The following CADM1 variants were observed in gnomAD, a reference collection of about 807,000 sequenced individuals.
CADM1 encodes TSLC-1.
In CADM1, 15 loss-of-function variants were observed where a neutral mutation model predicts 53.1. The observed-to-expected ratio is 0.28, with a 90% confidence interval of 0.19 to 0.44. The LOEUF is 0.44. CADM1 is among the 20% of genes least tolerant of loss of function. CADM1 has a pLI of 1.00. For synonymous variants in CADM1, 281 were observed against 243.0 expected (o/e 1.16, Z -1.45); for missense variants, 434 against 611.3 (o/e 0.71, Z 3.06).
At chr11:115,332,137 T>C (rs1945147456) in intron 1 of CADM1, among the ~76,000 whole-genome samples, 1 of 152,044 alleles carries the variant, frequency 6.6e-6, no homozygotes, top group Admixed American at 6.6e-5. Context: ...ATCTGAATAG[T>C]TGTGGGCTGA....
chr11:115,334,249 A>G (rs138133444), intron 1 of CADM1, among the ~76,000 whole-genome samples: 1 of 152,286 alleles, frequency 6.6e-6, no homozygotes, highest in East Asian at 1.9e-4. Context: ...TCTTCACCAG[A>G]GTGTGGACCT....
At chr11:115,484,878 C>G (rs1346080392) in intron 1 of CADM1, among the ~76,000 whole-genome samples, 1 of 149,730 alleles carries the variant, frequency 6.7e-6, no homozygotes, top group African/African-American at 2.5e-5. Flanking sequence ...AACCGGGAGG[C>G]AGAGCTTGCA....
intron 1 of CADM1, among the ~76,000 whole-genome samples, chr11:115,408,386 C>T (rs1027459026): frequency 6.6e-6 from 1 of 152,158 alleles, no homozygotes; most frequent in Non-Finnish European, 1.5e-5. Flanking sequence ...AGTTTAAATC[C>T]CTGCACAGTT....
At position 115,170,531 on chromosome 11, in the gene CADM1, CAG is replaced by C. The variant is rs1938754186; in HGVS notation, c.*5941_*5942del. The C allele has an allele frequency of 7.5e-6, 1 of 132,950 alleles. No individual in the cohort carries two copies. The highest frequency in any genetic ancestry group is 2.3e-4 in the South Asian group (1 of 4,386). The allele number at this position is 132,950 out of a possible 1,614,324, so 8.2% of individuals were successfully genotyped here. A position where few individuals can be genotyped will look rare whatever the true frequency, so the allele number is the denominator to read the frequency against. On this transcript the variant is annotated 3_prime_UTR_variant, in exon 12 of 12. Transcript: ENST00000331581. ...AGCTGAGGTTTGGAACACCTGAAAA[CAG>C]AGAAGATTCTTGCTTTCAGGTCTCA...
intron 1 of CADM1, among the ~76,000 whole-genome samples, chr11:115,398,696 T>A (rs1947063867): frequency 6.6e-6 from 1 of 152,224 alleles, no homozygotes; most frequent in African/African-American, 2.4e-5. Context: ...CCTAATATTC[T>A]AACATATTTA....
chr11:115,235,785 G>A (rs912055054), intron 3 of CADM1, among the ~76,000 whole-genome samples: 1 of 152,088 alleles, frequency 6.6e-6, no homozygotes, highest in African/African-American at 2.4e-5. Flanking sequence ...AGAAGGACAG[G>A]ACTGTGATAA....
chr11:115,198,465 G>A (rs1309934627), intron 8 of CADM1, 27 bp from the exon 9 acceptor site: 1 of 1,590,776 alleles, frequency 6.3e-7, no homozygotes, highest in African/African-American at 1.3e-5. Context: ...AGGATTGGAG[G>A]AAGGGAAGAA....
intron 1 of CADM1, among the ~76,000 whole-genome samples, chr11:115,428,176 T>C (rs1947944056): frequency 6.6e-6 from 1 of 152,062 alleles, no homozygotes; most frequent in Admixed American, 6.6e-5. Flanking sequence ...GGTACAAATA[T>C]TTATGAAAAA....
At chr11:115,320,867 T>A (rs1944806783) in intron 1 of CADM1, among the ~76,000 whole-genome samples, 1 of 152,170 alleles carries the variant, frequency 6.6e-6, no homozygotes, top group Admixed American at 6.5e-5. Flanking sequence ...TATATTCTCC[T>A]GTTAAAATAT....
At chr11:115,428,391 G>C (rs1057195713) in intron 1 of CADM1, among the ~76,000 whole-genome samples, 4 of 152,020 alleles carry the variant, frequency 2.6e-5, no homozygotes, top group Admixed American at 2.6e-4. Flanking sequence ...TTGGCCATGG[G>C]AGGAAATATA....
At chr11:115,183,467 A>T (rs1740355189) in intron 10 of CADM1, among the ~76,000 whole-genome samples, 1 of 152,208 alleles carries the variant, frequency 6.6e-6, no homozygotes, top group South Asian at 2.1e-4. Context: ...AGTACATCCT[A>T]GACAAGCTCC....
At chr11:115,369,020 AAAATCT>A (rs1396713141) in intron 1 of CADM1, among the ~76,000 whole-genome samples, 8 of 143,070 alleles carry the variant, frequency 5.6e-5, no homozygotes, top group African/African-American at 2.0e-4. Context: ...AGAGTGAAAA[AAAATCT>A]AAAAAAAAAA....
At chr11:115,320,943 G>A (rs1376099091) in intron 1 of CADM1, among the ~76,000 whole-genome samples, 1 of 152,004 alleles carries the variant, frequency 6.6e-6, no homozygotes, top group East Asian at 1.9e-4. Context: ...AAAGACATGA[G>A]ATAAATAATT....
Position 115,288,777 on chromosome 11 carries a change from C to T in CADM1, c.125-48357G>A, listed in dbSNP as rs138847324. ...ATTGTATTTACTTCACTGCAATTGC[C>T]TCTCAATGCCTAAAAAAAGTTTCTG... On this transcript the variant is annotated intron_variant, in intron 1 of 11. Coordinates refer to ENST00000331581, the MANE Select transcript of CADM1 (RefSeq NM_001301043.2). 3.3e-3 allele frequency among the ~76,000 whole-genome samples: 496 copies of T among 152,286 alleles called. 5 individuals carry two copies. Among genetic ancestry groups the T allele is most frequent in the African/African-American group, 0.011 (472 of 41,552 alleles).
chr11:115,196,696 G>A (rs751442785), intron 9 of CADM1, among the ~76,000 whole-genome samples: 4 of 151,686 alleles, frequency 2.6e-5, no homozygotes, highest in African/African-American at 4.8e-5. Flanking sequence ...GTCCTGGGCC[G>A]CAGGTAGCCC....
intron 1 of CADM1, among the ~76,000 whole-genome samples, chr11:115,254,095 A>G (rs1300432205): frequency 6.6e-6 from 1 of 152,200 alleles, no homozygotes; most frequent in East Asian, 1.9e-4. Flanking sequence ...CTGTGTGCCA[A>G]AAATATATAT....
chr11:115,206,194 T>C (rs964794834), intron 8 of CADM1, among the ~76,000 whole-genome samples: 1 of 152,226 alleles, frequency 6.6e-6, no homozygotes, highest in Non-Finnish European at 1.5e-5. Flanking sequence ...TGAATACGTA[T>C]TGCTTTTGGA....
chr11:115,367,547 G>A (rs1946195759), intron 1 of CADM1, among the ~76,000 whole-genome samples: 1 of 151,952 alleles, frequency 6.6e-6, no homozygotes, highest in Non-Finnish European at 1.5e-5. Context: ...AATAATAAAG[G>A]AGTAACGAGA....
intron 8 of CADM1, among the ~76,000 whole-genome samples, chr11:115,205,444 C>T (rs1236024983): frequency 6.6e-6 from 1 of 152,056 alleles, no homozygotes; most frequent in African/African-American, 2.4e-5. Context: ...ACAAACACTC[C>T]CTACTCACTC....
Sources: gnomAD v4.1 joint callset for allele counts (sites outside exome capture counted in the v4.1 genomes callset) on GRCh38, gnomAD v4.1.1 for gene constraint, MANE v1.5 for transcripts, NCBI Gene and HGNC (gene_info 2026-07-23, HGNC 2026-07-21) for gene names.